RASSF3: variants seen among roughly 807,000 people sequenced by gnomAD.
RASSF3 encodes the protein ras association domain-containing protein 3.
A neutral mutation model predicts 19.9 loss-of-function variants in RASSF3; 19 were observed. The ratio of observed to expected loss-of-function variants is 0.96; its 90% CI spans 0.67 to 1.40. The LOEUF is 1.40. Among genes scored for constraint, RASSF3 ranks in the 40% most tolerant of loss-of-function variants. RASSF3 has a pLI of 0.00. For missense variants in RASSF3, 306 were observed against 289.8 expected, an observed-to-expected ratio of 1.06 and a Z score of -0.41; for synonymous variants, 110 against 104.2, an observed-to-expected ratio of 1.06 and a Z score of -0.34.
intron 2 of RASSF3, among the ~76,000 whole-genome samples, chr12:64,563,508 G>A (rs769458232): frequency 6.6e-6 from 1 of 152,152 alleles, no homozygotes; most frequent in South Asian, 2.1e-4. Flanking sequence ...TACATCTGAT[G>A]TTAAAATCCC....
At chr12:64,648,194 G>C (rs2136188494) in intron 1 of RASSF3, among the ~76,000 whole-genome samples, 1 of 152,350 alleles carries the variant, frequency 6.6e-6, no homozygotes, top group Non-Finnish European at 1.5e-5. Context: ...AACTTAGTGA[G>C]TAGGTGGCCC....
chr12:64,642,257 C>G (rs1871561696), intron 1 of RASSF3, among the ~76,000 whole-genome samples: 1 of 151,812 alleles, frequency 6.6e-6, no homozygotes, highest in Admixed American at 6.6e-5. Flanking sequence ...GAAAATATTT[C>G]TTATGAGAAG....
intron 1 of RASSF3, among the ~76,000 whole-genome samples, chr12:64,661,677 C>CTT (rs71092993): frequency 1.3e-3 from 99 of 78,962 alleles, no homozygotes; most frequent in East Asian, 1.8e-3. Flanking sequence ...TTTTCTTTTT[C>CTT]TTTTTTTTTT....
intron 1 of RASSF3, among the ~76,000 whole-genome samples, chr12:64,540,054 T>C (rs891402807): frequency 6.6e-6 from 1 of 152,216 alleles, no homozygotes; most frequent in Non-Finnish European, 1.5e-5. Context: ...GATTCATTCA[T>C]TGCCATTGCT....
chr12:64,516,395 G>A (rs1027148432), intron 1 of RASSF3, among the ~76,000 whole-genome samples: 3 of 151,992 alleles, frequency 2.0e-5, no homozygotes, highest in African/African-American at 4.8e-5. Flanking sequence ...CGAGGCGGGC[G>A]GATCACGAGG....
At chr12:64,580,017 G>A (rs549671375) in intron 2 of RASSF3, among the ~76,000 whole-genome samples, 26 of 151,886 alleles carry the variant, frequency 1.7e-4, no homozygotes, top group South Asian at 6.2e-4. Flanking sequence ...GTTTCACCAC[G>A]TTGGCCAGGC....
At position 64,524,222 on chromosome 12, in the gene RASSF3, A is replaced by T. The variant is rs541568937; in HGVS notation, c.169+16893A>T. Among the ~76,000 whole-genome samples, 83 of 29,366 alleles carry T rather than the reference A, an allele frequency of 2.8e-3. 1 individual carries two copies. Among genetic ancestry groups the T allele is most frequent in the African/African-American group, 0.011 (76 of 7,132 alleles). The allele number at this position is 29,366 out of a possible 152,430, so 19.3% of individuals were successfully genotyped here. A position where few individuals can be genotyped will look rare whatever the true frequency, so the allele number is the denominator to read the frequency against. Reference sequence around the variant, plus strand: ...GTGTGCCACCATGCCCGGCAATTTTATTTATTTATTTATTTATTTATTTAT... The same window carrying T: ...GTGTGCCACCATGCCCGGCAATTTTTTTTATTTATTTATTTATTTATTTAT... On this transcript the variant is annotated intron_variant, in intron 1 of 5. Coordinates refer to the RASSF3 transcript ENST00000637125.
intron 1 of RASSF3, among the ~76,000 whole-genome samples, chr12:64,667,783 C>G (rs1872574396): frequency 6.6e-6 from 1 of 152,208 alleles, no homozygotes; most frequent in South Asian, 2.1e-4. Context: ...AGTGGCCTTC[C>G]TGAGGCTCAT....
intron 1 of RASSF3, among the ~76,000 whole-genome samples, chr12:64,527,615 T>C (rs1330790800): frequency 6.6e-6 from 1 of 152,208 alleles, no homozygotes; most frequent in African/African-American, 2.4e-5. Context: ...TTATTTGATA[T>C]ACGATTACAT....
chr12:64,534,303 A>G (rs1165652739), intron 1 of RASSF3, among the ~76,000 whole-genome samples: 2 of 151,840 alleles, frequency 1.3e-5, no homozygotes, highest in African/African-American at 4.8e-5. Context: ...ACATAGGGAG[A>G]CCCCATTTCT....
chr12:64,557,533 C>G (rs1039050807), intron 2 of RASSF3, among the ~76,000 whole-genome samples: 9 of 152,076 alleles, frequency 5.9e-5, no homozygotes, highest in Admixed American at 5.9e-4. Flanking sequence ...AAGTGTACCC[C>G]CTTTGGACCT....
At chr12:64,619,044 T>C (rs7968403) in intron 1 of RASSF3, among the ~76,000 whole-genome samples, 43,774 of 152,084 alleles carry the variant, frequency 0.29, 6,889 homozygotes, top group Non-Finnish European at 0.36. Flanking sequence ...TTTTTTAGCA[T>C]GGCTATGGAA....
At chr12:64,647,152 A>C (rs1454460074) in intron 1 of RASSF3, among the ~76,000 whole-genome samples, 2 of 152,182 alleles carry the variant, frequency 1.3e-5, no homozygotes, top group Non-Finnish European at 2.9e-5. Context: ...TTATCTTTTA[A>C]ACTGAGAATC....
At chr12:64,650,331 G>T (rs879936181) in intron 1 of RASSF3, among the ~76,000 whole-genome samples, 1 of 151,268 alleles carries the variant, frequency 6.6e-6, no homozygotes, top group Non-Finnish European at 1.5e-5. Context: ...ACAGGTCCTT[G>T]ATAGGACCTT....
At chr12:64,552,513 G>T (rs540303764) in intron 2 of RASSF3, among the ~76,000 whole-genome samples, 11 of 152,130 alleles carry the variant, frequency 7.2e-5, no homozygotes, top group East Asian at 3.9e-4. Context: ...TTTTTCCTAA[G>T]GCTCTCCCTC....
At chr12:64,558,226 C>A (rs188229639) in intron 2 of RASSF3, among the ~76,000 whole-genome samples, 1 of 152,244 alleles carries the variant, frequency 6.6e-6, no homozygotes, top group Admixed American at 6.5e-5. Flanking sequence ...TGGGATGATG[C>A]CTGGGCTCCA....
Position 64,661,893 on chromosome 12 carries a change from C to T in RASSF3, c.112-22894C>T, listed in dbSNP as rs370246848. ...ATAGGGCTTCACCCTGTTGGCCAGGCGGTTCTCGAACTCTTGACTTAAGGT... is the reference window on the plus strand; with the variant it reads ...ATAGGGCTTCACCCTGTTGGCCAGGTGGTTCTCGAACTCTTGACTTAAGGT... On this transcript the variant is annotated intron_variant, in intron 1 of 4. Coordinates refer to ENST00000542104, the MANE Select transcript of RASSF3 (RefSeq NM_178169.4). Among the ~76,000 whole-genome samples the T allele has an allele frequency of 2.4e-4, 36 of 150,930 alleles. No homozygotes were observed. The South Asian group carries it at 6.1e-3, about 25-fold the overall frequency.
rs1869540645 is a variant in RASSF3, at chr12:64,572,780, T to G, written c.294+31075T>G. ...TACATTTCCAACTTGTCCAAGTCTA[T>G]GAAGCTTGTTTTTTTGTTTCACATA... is the stretch of plus-strand genomic sequence containing the variant. On this transcript the variant is annotated intron_variant, in intron 2 of 5. Coordinates refer to the RASSF3 transcript ENST00000637125. Among the ~76,000 whole-genome samples the G allele has an allele frequency of 2.6e-5, 4 of 152,260 alleles. No individual in the cohort carries two copies. In the South Asian group the frequency reaches 8.3e-4, roughly 32 times the overall value.
chr12:64,686,870 T>C (rs1873377976), intron 2 of RASSF3, among the ~76,000 whole-genome samples: 1 of 152,198 alleles, frequency 6.6e-6, no homozygotes, highest in South Asian at 2.1e-4. Flanking sequence ...ATTGATCTTG[T>C]GGGAAGGAAG....
Sources: gnomAD v4.1 joint callset for allele counts (sites outside exome capture counted in the v4.1 genomes callset) on GRCh38, gnomAD v4.1.1 for gene constraint, MANE v1.5 for transcripts, NCBI Gene and HGNC (gene_info 2026-07-23, HGNC 2026-07-21) for gene names.